Variants in MAP2K1 observed in about 807,000 individuals in gnomAD.
MAP2K1 encodes dual specificity mitogen-activated protein kinase kinase 1.
MAP2K1 carries 16 observed loss-of-function variants against 46.3 expected under a neutral mutation model. That is an observed-to-expected ratio of 0.35 (90% CI 0.23 to 0.52). The LOEUF is 0.52. MAP2K1 is among the 20% of genes least tolerant of loss of function. The pLI is 0.94. For synonymous variants in MAP2K1, 183 were observed against 185.6 expected, an observed-to-expected ratio of 0.99 and a Z score of 0.11; for missense variants, 263 against 497.1, an observed-to-expected ratio of 0.53 and a Z score of 4.48.
chr15:66,481,440 C>T lies in MAP2K1; in HGVS notation c.569-315C>T, dbSNP rs143890962. On this transcript the variant is annotated intron_variant, in intron 5 of 10. Coordinates refer to ENST00000307102, the MANE Select transcript of MAP2K1 (RefSeq NM_002755.4). The stretch of plus-strand genomic sequence containing the variant: ...TGGTTGAAGCAACAGACTTTGAAAT[C>T]CTGACTGTTCATGATAACGGACTCC... 3.2e-4 allele frequency among the ~76,000 whole-genome samples: 49 copies of T among 152,294 alleles called. No individual in the cohort carries two copies. In the East Asian group the frequency reaches 8.9e-3, roughly 28 times the overall value.
chr15:66,476,655 T>C (rs977796634), intron 5 of MAP2K1, among the ~76,000 whole-genome samples: 1 of 151,974 alleles, frequency 6.6e-6, no homozygotes, highest in Admixed American at 6.6e-5. Flanking sequence ...GTGGAGGGCA[T>C]GGAAAGGCAG....
intron 1 of MAP2K1, among the ~76,000 whole-genome samples, chr15:66,416,467 A>G (rs10518690): frequency 6.6e-6 from 1 of 151,996 alleles, no homozygotes; most frequent in Non-Finnish European, 1.5e-5. Context: ...GTCATGGAGT[A>G]GACGCTTCAT....
At chr15:66,446,612 CTG>C in intron 5 of MAP2K1, 2 of 283,046 alleles carry the variant, frequency 7.1e-6, no homozygotes, top group South Asian at 7.6e-5. Context: ...CCAGGAGTCA[CTG>C]TGTTGTTCTT....
intron 5 of MAP2K1, among the ~76,000 whole-genome samples, chr15:66,452,304 GAAA>G (rs767435065): frequency 2.3e-5 from 3 of 131,962 alleles, no homozygotes; most frequent in African/African-American, 8.3e-5. Context: ...AAAAAAAAAA[GAAA>G]AAAAAAAGCT....
At chr15:66,404,415 A>G (rs1277007390) in intron 1 of MAP2K1, among the ~76,000 whole-genome samples, 2 of 152,208 alleles carry the variant, frequency 1.3e-5, no homozygotes, top group South Asian at 2.1e-4. Context: ...AACACATTAT[A>G]TTTAGAGATT....
At chr15:66,389,937 T>C (rs1485273691) in intron 1 of MAP2K1, among the ~76,000 whole-genome samples, 1 of 152,192 alleles carries the variant, frequency 6.6e-6, no homozygotes, top group Non-Finnish European at 1.5e-5. Context: ...AAAATGGGGC[T>C]AATGATAGAA....
chr15:66,397,870 G>A lies in MAP2K1; in HGVS notation c.80+10443G>A, dbSNP rs188621819. On this transcript the variant is annotated intron_variant, in intron 1 of 10. Coordinates refer to ENST00000307102, the MANE Select transcript of MAP2K1 (RefSeq NM_002755.4). ...TGTAATCCCAGCACTTCGGGAGGCCGAGGCGTGCAGATCACGAGCTCAGGA... is the reference window on the plus strand; with the variant it reads ...TGTAATCCCAGCACTTCGGGAGGCCAAGGCGTGCAGATCACGAGCTCAGGA... 2.3e-3 allele frequency among the ~76,000 whole-genome samples: 355 copies of A among 152,316 alleles called. 1 individual carries two copies. The highest frequency in any genetic ancestry group is 7.7e-3 in the African/African-American group (318 of 41,556).
chr15:66,465,918 C>CT (rs1003174915), intron 5 of MAP2K1, among the ~76,000 whole-genome samples: 1 of 152,076 alleles, frequency 6.6e-6, no homozygotes, highest in Non-Finnish European at 1.5e-5. Context: ...TCAGATAAGA[C>CT]TTTTTTTAAA....
At chr15:66,405,202 C>T (rs1595842426) in intron 1 of MAP2K1, among the ~76,000 whole-genome samples, 1 of 152,216 alleles carries the variant, frequency 6.6e-6, no homozygotes, top group South Asian at 2.1e-4. Context: ...TAAGTTTAGA[C>T]TCAGGTCTGT....
chr15:66,485,211 C>T lies in MAP2K1; in HGVS notation c.895+20C>T. 1 of 1,609,858 alleles carries T rather than the reference C, an allele frequency of 6.2e-7. No individual in the cohort carries two copies. On this transcript the variant is annotated intron_variant, in intron 7 of 10. Coordinates refer to ENST00000307102, the MANE Select transcript of MAP2K1 (RefSeq NM_002755.4). ...TTAGCTGTGAGTAGCCTGGTGTGTC[C>T]CCATCTTGGACTGTTGGAGGGGAGG...
At chr15:66,390,608 T>G (rs1372677239) in intron 1 of MAP2K1, among the ~76,000 whole-genome samples, 1 of 152,188 alleles carries the variant, frequency 6.6e-6, no homozygotes, top group Non-Finnish European at 1.5e-5. Flanking sequence ...AAAATAGCTT[T>G]CTTTTGTGTA....
At position 66,387,258 on chromosome 15, in the gene MAP2K1, C is replaced by G. The variant is rs1242364817; in HGVS notation, c.-90C>G. ...CCGGGGCCCGCGGCCCGGACTTGGT[C>G]CTGCGCAGCGGGCGCGGGGCAGCGC... On this transcript the variant is annotated 5_prime_UTR_variant, in exon 1 of 11. Transcript: ENST00000307102. The G allele has an allele frequency of 1.0e-5, 12 of 1,198,106 alleles. No homozygotes were observed. In the East Asian group the frequency reaches 2.8e-4, roughly 28 times the overall value. 74.2% of individuals were successfully genotyped at this position (1,198,106 alleles called of 1,614,324 possible). A position where few individuals can be genotyped will look rare whatever the true frequency, so the allele number is the denominator to read the frequency against.
chr15:66,404,716 T>A (rs2093391843), intron 1 of MAP2K1, among the ~76,000 whole-genome samples: 5 of 152,184 alleles, frequency 3.3e-5, no homozygotes. Flanking sequence ...CAGCTTGATA[T>A]GCAGTCCCTG....
chr15:66,466,233 T>C, intron 5 of MAP2K1, among the ~76,000 whole-genome samples: 1 of 152,228 alleles, frequency 6.6e-6, no homozygotes, highest in East Asian at 1.9e-4. Flanking sequence ...TTGTGTCCTG[T>C]TACAAATGAA....
chr15:66,420,715 A>ATATATATATATATATG lies in MAP2K1; in HGVS notation c.81-14305_81-14304insATATATATGTATATAT, dbSNP rs1174431450. 4.1e-4 allele frequency among the ~76,000 whole-genome samples: 14 copies of ATATATATATATATATG among 33,974 alleles called. 4 individuals are homozygous for ATATATATATATATATG. The highest frequency in any genetic ancestry group is 2.5e-3 in the East Asian group (5 of 1,968). 22.3% of individuals were successfully genotyped at this position (33,974 alleles called of 152,430 possible). A position where few individuals can be genotyped will look rare whatever the true frequency, so the allele number is the denominator to read the frequency against. On this transcript the variant is annotated intron_variant, in intron 1 of 10. Coordinates refer to ENST00000307102, the MANE Select transcript of MAP2K1 (RefSeq NM_002755.4). ...TAATACTTACTCTTGGCATATATAT[A>ATATATATATATATATG]TATATATGTGTGTGTGTGTGTGTGT...
chr15:66,473,931 C>A (rs1025307573), intron 5 of MAP2K1, among the ~76,000 whole-genome samples: 4 of 152,158 alleles, frequency 2.6e-5, no homozygotes, highest in Non-Finnish European at 5.9e-5. Context: ...ATTCACCCGC[C>A]CTAGCCTCCT....
At position 66,407,629 on chromosome 15, in the gene MAP2K1, G is replaced by A. The variant is rs140291944; in HGVS notation, c.80+20202G>A. On this transcript the variant is annotated intron_variant, in intron 1 of 10. Transcript: ENST00000307102. ...ACGCAAGTAGAGATTACATTTTATT[G>A]TTGAAAGAAATCTTGGTTGTCTTCT... Among the ~76,000 whole-genome samples the A allele has an allele frequency of 2.9e-3, 443 of 152,310 alleles. 2 individuals are homozygous for A. The highest frequency in any genetic ancestry group is 0.01 in the African/African-American group (429 of 41,568).
At chr15:66,404,262 G>A (rs535730843) in intron 1 of MAP2K1, among the ~76,000 whole-genome samples, 3 of 152,312 alleles carry the variant, frequency 2.0e-5, no homozygotes, top group South Asian at 2.1e-4. Flanking sequence ...TGAGGCAGGA[G>A]AATCACTTGA....
chr15:66,426,072 C>A lies in MAP2K1; in HGVS notation c.81-8955C>A, dbSNP rs113241610. ...GCATCACAAAACCATCTTGAACGTT[C>A]AGCTCTTCCTGCCAATACATCACAA... is the stretch of plus-strand genomic sequence containing the variant. On this transcript the variant is annotated intron_variant, in intron 1 of 10. Transcript: ENST00000307102. 2.6e-3 allele frequency among the ~76,000 whole-genome samples: 402 copies of A among 151,912 alleles called. 2 individuals carry two copies. Among genetic ancestry groups the A allele is most frequent in the African/African-American group, 9.2e-3 (383 of 41,426 alleles).
Sources: gnomAD v4.1 joint callset for allele counts (sites outside exome capture counted in the v4.1 genomes callset) on GRCh38, gnomAD v4.1.1 for gene constraint, MANE v1.5 for transcripts, NCBI Gene and HGNC (gene_info 2026-07-23, HGNC 2026-07-21) for gene names.